EPC1: variants seen among roughly 807,000 people sequenced by gnomAD.
EPC1 encodes the protein enhancer of polycomb 1.
Under a neutral mutation model 98.4 loss-of-function variants are expected in EPC1, and 12 were observed. The ratio of observed to expected loss-of-function variants is 0.12; its 90% CI spans 0.08 to 0.20. EPC1 has a LOEUF of 0.20. Ranked by LOEUF, EPC1 falls within the 10% of genes least tolerant of loss-of-function variation. The pLI is 1.00. For missense variants in EPC1, 729 were observed against 990.5 expected, an observed-to-expected ratio of 0.74 and a Z score of 3.54; for synonymous variants, 357 against 363.9, an observed-to-expected ratio of 0.98 and a Z score of 0.21.
chr10:32,275,730 G>C (rs974367225), intron 10 of EPC1, among the ~76,000 whole-genome samples: 2 of 151,392 alleles, frequency 1.3e-5, no homozygotes, highest in East Asian at 3.9e-4. Flanking sequence ...AGCCGAGATC[G>C]CGTCACTGCA....
chr10:32,357,854 T>A (rs1321979763), intron 1 of EPC1, among the ~76,000 whole-genome samples: 1 of 146,862 alleles, frequency 6.8e-6, no homozygotes, highest in African/African-American at 2.5e-5. Context: ...TCAATAAATT[T>A]TTTTTTTTTT....
At chr10:32,342,159 A>G (rs1167483856) in intron 1 of EPC1, among the ~76,000 whole-genome samples, 1 of 152,372 alleles carries the variant, frequency 6.6e-6, no homozygotes, top group African/African-American at 2.4e-5. Context: ...ATCTGTAATT[A>G]GTTTGTTAAA....
In EPC1 at chr10:32,286,703, C is replaced by T; in HGVS notation, c.1382G>A (p.Arg461His). 6.2e-7 allele frequency: 1 copy of T among 1,614,058 alleles called. No homozygotes were observed. Among genetic ancestry groups the T allele is most frequent in the Non-Finnish European group, 8.5e-7 (1 of 1,179,996 alleles). Reference sequence around the variant, plus strand: ...TACAGAAATACCTTACCTTCCACCGCGCCCAACCCGTCTTCGTGCAAATCC... The same window carrying T: ...TACAGAAATACCTTACCTTCCACCGTGCCCAACCCGTCTTCGTGCAAATCC... ...CIGFARRRVGRGGRVLLDRAH... is the reference protein window; with the variant it reads ...CIGFARRRVGHGGRVLLDRAH... The change falls in exon 9 of 14, where the codon CGC becomes CAC. Residue 461 changes from arginine to histidine, a missense_variant. This residue lies in a region of EPC1 where 390 missense variants were observed against 438.6 expected (regional missense o/e 0.89). Coordinates refer to ENST00000319778, the MANE Select transcript of EPC1 (RefSeq NM_001272004.3).
At chr10:32,324,994 T>C (rs1369262358) in intron 1 of EPC1, among the ~76,000 whole-genome samples, 5 of 152,176 alleles carry the variant, frequency 3.3e-5, no homozygotes, top group Admixed American at 6.5e-5. Context: ...AGTGAGACTC[T>C]GTCTCAAAAG....
chr10:32,370,347 A>G (rs930368812), intron 1 of EPC1, among the ~76,000 whole-genome samples: 2 of 152,344 alleles, frequency 1.3e-5, no homozygotes, highest in East Asian at 3.9e-4. Flanking sequence ...TGGCTAGTCT[A>G]CAAAAACCTC....
intron 1 of EPC1, among the ~76,000 whole-genome samples, chr10:32,364,002 ATTTTTTTTTTTTT>A (rs35887256): frequency 4.3e-5 from 3 of 69,316 alleles, no homozygotes; most frequent in African/African-American, 2.0e-4. Flanking sequence ...TCATGTTGGC[ATTTTTTTTTTTTT>A]TTTTTTTTTT....
intron 9 of EPC1, 50 bp downstream of exon 9, chr10:32,286,644 C>T (rs1397288447): frequency 1.3e-6 from 2 of 1,592,972 alleles, no homozygotes; most frequent in South Asian, 1.1e-5. Context: ...TAGATTCAAT[C>T]ACCCTAATGC....
rs1437281792 is a variant in EPC1 at position 32,273,270 on chromosome 10, C to T, written c.1756G>A (p.Glu586Lys). ...SGSAHFAFTA[E>K]QYQQHQQQLA... ...TGCTGTTGATGTTGCTGGTATTGTTCGGCTGTAAATGCTGAACATAAAATA... is the reference window on the plus strand; with the variant it reads ...TGCTGTTGATGTTGCTGGTATTGTTTGGCTGTAAATGCTGAACATAAAATA... Residue 586 changes from glutamate (E) to lysine (K), a missense_variant, in exon 11 of 14, where the codon GAA becomes AAA. By Grantham distance (56) the Glu-to-Lys change is moderately conservative (BLOSUM62 1). This residue lies in a region of EPC1 where 390 missense variants were observed against 438.6 expected (regional missense o/e 0.89). Transcript: ENST00000319778. 2.5e-6 allele frequency: 4 copies of T among 1,613,894 alleles called. No homozygotes were observed. Among genetic ancestry groups the T allele is most frequent in the Non-Finnish European group, 3.4e-6 (4 of 1,179,906 alleles).
intron 1 of EPC1, among the ~76,000 whole-genome samples, chr10:32,344,095 C>T (rs1333809578): frequency 6.6e-6 from 1 of 152,206 alleles, no homozygotes; most frequent in Non-Finnish European, 1.5e-5. Context: ...TTTAACCCTT[C>T]CTCTTTATTA....
At chr10:32,312,260 G>A (rs996039766) in intron 1 of EPC1, among the ~76,000 whole-genome samples, 1 of 152,166 alleles carries the variant, frequency 6.6e-6, no homozygotes, top group African/African-American at 2.4e-5. Flanking sequence ...GGTTTTACAA[G>A]AGCACCTTGG....
At chr10:32,290,039 A>G (rs938731681) in intron 6 of EPC1, among the ~76,000 whole-genome samples, 4 of 152,112 alleles carry the variant, frequency 2.6e-5, no homozygotes, top group African/African-American at 9.7e-5. Context: ...TCCTTCACTA[A>G]TTTTATTTCC....
intron 1 of EPC1, among the ~76,000 whole-genome samples, chr10:32,329,583 T>C (rs1837517937): frequency 6.6e-6 from 1 of 152,234 alleles, no homozygotes; most frequent in South Asian, 2.1e-4. Context: ...CAGGGTAGAC[T>C]CTGCTGGAAC....
intron 1 of EPC1, among the ~76,000 whole-genome samples, chr10:32,362,036 A>C (rs1424824685): frequency 6.6e-6 from 1 of 152,230 alleles, no homozygotes; most frequent in African/African-American, 2.4e-5. Flanking sequence ...ATGCTCTAAA[A>C]TAAGGAGATT....
chr10:32,346,943 C>A lies in EPC1; in HGVS notation c.-28G>T. ...CAGGCGCAGCAGATACCTCTCCGCT[C>A]TGGGGAAACGGCCCCGGCCAGCGGG... On this transcript the variant is annotated 5_prime_UTR_variant, in exon 1 of 14. The change creates a premature stop within an existing upstream ORF in the 5' untranslated region. Coordinates refer to ENST00000319778, the MANE Select transcript of EPC1 (RefSeq NM_001272004.3). 1 of 1,609,672 alleles carries A rather than the reference C, an allele frequency of 6.2e-7. No individual in the cohort carries two copies. The highest frequency in any genetic ancestry group is 1.1e-5 in the South Asian group (1 of 91,044).
intron 1 of EPC1, among the ~76,000 whole-genome samples, chr10:32,343,361 C>T (rs1444906690): frequency 6.6e-6 from 1 of 152,188 alleles, no homozygotes; most frequent in Admixed American, 6.5e-5. Context: ...CAGGCAGCTG[C>T]CACCACGGCT....
intron 1 of EPC1, among the ~76,000 whole-genome samples, chr10:32,340,391 G>A (rs1167222677): frequency 3.9e-5 from 6 of 152,176 alleles, no homozygotes; most frequent in East Asian, 1.9e-4. Context: ...ATTTAAAGGT[G>A]CAAAGTTGAG....
upstream of EPC1, among the ~76,000 whole-genome samples, chr10:32,350,310 G>A (rs1256501058): frequency 1.3e-5 from 2 of 152,214 alleles, no homozygotes; most frequent in Non-Finnish European, 2.9e-5. Context: ...ATACCCAGTT[G>A]CCCAAGTGGC....
intron 1 of EPC1, among the ~76,000 whole-genome samples, chr10:32,365,090 G>C (rs138041622): frequency 6.6e-6 from 1 of 152,082 alleles, no homozygotes; most frequent in Non-Finnish European, 1.5e-5. Flanking sequence ...CCTAGGGAAC[G>C]TAACTTCAAT....
intron 1 of EPC1, among the ~76,000 whole-genome samples, chr10:32,346,038 A>G (rs1415077390): frequency 6.6e-6 from 1 of 152,238 alleles, no homozygotes; most frequent in Non-Finnish European, 1.5e-5. Flanking sequence ...CCGACCAACT[A>G]GCTCTGGAGA....
Sources: allele counts gnomAD v4.1 joint callset (sites outside exome capture counted in the v4.1 genomes callset), GRCh38; gene constraint gnomAD v4.1.1; regional missense constraint gnomAD v4.1.1; transcripts MANE v1.5; gene names NCBI Gene and HGNC (gene_info 2026-07-23, HGNC 2026-07-21).